PIR: variants seen among roughly 807,000 people sequenced by gnomAD.
PIR encodes the protein pirin.
In PIR, 22 loss-of-function variants were observed where a neutral mutation model predicts 24.2. That is an observed-to-expected ratio of 0.91 (90% confidence interval 0.65 to 1.30). The LOEUF is 1.30. PIR is among the 50% of genes most tolerant of loss of function. PIR has a pLI of 0.00. For synonymous variants in PIR, 80 were observed against 79.6 expected, an observed-to-expected ratio of 1.00 and a Z score of -0.03; for missense variants, 220 against 220.3, an observed-to-expected ratio of 1.00 and a Z score of 0.01.
intron 9 of PIR, among the ~76,000 whole-genome samples, chrX:15,387,933 C>T (rs139478170): frequency 0.014 from 1,579 of 111,370 alleles, 24 homozygotes; most frequent in African/African-American, 0.05. Context: ...CCAAGTGATG[C>T]TGATACTGCT....
intron 3 of PIR, among the ~76,000 whole-genome samples, chrX:15,473,710 C>T (rs1427630726): frequency 1.8e-5 from 2 of 111,147 alleles, no homozygotes; most frequent in African/African-American, 3.3e-5. Flanking sequence ...GCGCCTGCCA[C>T]CACACCCAGC....
chrX:15,395,613 T>C (rs1924106246), intron 8 of PIR, among the ~76,000 whole-genome samples: 1 of 112,031 alleles, frequency 8.9e-6, no homozygotes, highest in Non-Finnish European at 1.9e-5. Flanking sequence ...TTATTTTAAT[T>C]TTGCAGACAA....
chrX:15,453,738 A>G (rs1271225326), intron 5 of PIR, among the ~76,000 whole-genome samples: 1 of 112,104 alleles, frequency 8.9e-6, no homozygotes, highest in East Asian at 2.8e-4. Flanking sequence ...TGATTACAAG[A>G]CCACATGGTC....
intron 5 of PIR, among the ~76,000 whole-genome samples, chrX:15,449,449 C>T (rs1324370700): frequency 1.8e-5 from 2 of 111,764 alleles, no homozygotes; most frequent in Non-Finnish European, 3.8e-5. Flanking sequence ...CTTTTTAAAG[C>T]ACTTCTCATA....
intron 6 of PIR, among the ~76,000 whole-genome samples, chrX:15,414,195 GC>G (rs1394792787): frequency 8.9e-6 from 1 of 111,852 alleles, no homozygotes; most frequent in African/African-American, 3.2e-5. Context: ...TTATTAGAAT[GC>G]CCTAGAAGCT....
intron 2 of PIR, among the ~76,000 whole-genome samples, chrX:15,483,230 T>C (rs1281494514): frequency 1.9e-5 from 2 of 107,523 alleles, no homozygotes; most frequent in Non-Finnish European, 3.8e-5. Context: ...ATTTCTTCAT[T>C]TGAAAATGTG....
At chrX:15,389,742 T>C (rs1368464510) in intron 9 of PIR, among the ~76,000 whole-genome samples, 1 of 111,239 alleles carries the variant, frequency 9.0e-6, no homozygotes, top group East Asian at 2.8e-4. Flanking sequence ...AAATAACAAC[T>C]ATTTTCTTAA....
chrX:15,485,813 G>GGAATTCA (rs1429083507), intron 2 of PIR, among the ~76,000 whole-genome samples: 1 of 112,160 alleles, frequency 8.9e-6, no homozygotes, highest in African/African-American at 3.2e-5. Context: ...ACATTTAGCA[G>GGAATTCA]GAATTCAATA....
chrX:15,390,200 G>T lies in PIR; in HGVS notation c.745C>A (p.Pro249Thr). The part of the protein sequence containing the change: ...VLIAGEPLRE[P>T]VIQHGPFVMN... ...TTGGTCTTACCATGTTGGATAACTG[G>T]TTCTCTTAATGGCTCCCCAGCAATT... The change falls in exon 9 of 10, where the codon CCA (proline) becomes ACA (threonine). Residue 249 changes from proline (P) to threonine (T), a missense_variant. By Grantham distance (38) the Pro-to-Thr change is conservative. Transcript: ENST00000380420. The T allele has an allele frequency of 8.8e-7, 1 of 1,137,755 alleles. No individual in the cohort carries two copies. Among genetic ancestry groups the T allele is most frequent in the Non-Finnish European group, 1.2e-6 (1 of 842,120 alleles). 93.8% of individuals were successfully genotyped at this position (1,137,755 alleles called of 1,213,427 possible). A position where few individuals can be genotyped will look rare whatever the true frequency, so the allele number is the denominator to read the frequency against.
intron 3 of PIR, among the ~76,000 whole-genome samples, chrX:15,461,281 A>G (rs1174058787): frequency 8.9e-6 from 1 of 111,960 alleles, no homozygotes; most frequent in African/African-American, 3.3e-5. Flanking sequence ...AGGAAATCCA[A>G]AGGAAACATA....
intron 7 of PIR, among the ~76,000 whole-genome samples, chrX:15,398,669 G>GGGGTGT (rs1555952786): frequency 3.9e-5 from 3 of 76,117 alleles, no homozygotes; most frequent in East Asian, 4.5e-4. Flanking sequence ...GAGGAGGGAG[G>GGGGTGT]GTGTGTGTGT....
At chrX:15,432,182 A>G (rs183833464) in intron 5 of PIR, among the ~76,000 whole-genome samples, 286 of 111,556 alleles carry the variant, frequency 2.6e-3, no homozygotes, top group African/African-American at 7.9e-3. Flanking sequence ...TCATTAACCT[A>G]TTTAACTTTT....
At position 15,384,940 on chromosome X, in the gene PIR, A is replaced by G. The variant is rs1053490170; in HGVS notation, c.*64T>C. 1.8e-6 allele frequency: 1 copy of G among 564,608 alleles called. No individual in the cohort carries two copies. The highest frequency in any genetic ancestry group is 3.0e-6 in the Non-Finnish European group (1 of 327,968). 46.5% of individuals were successfully genotyped at this position (564,608 alleles called of 1,213,427 possible). On this transcript the variant is annotated 3_prime_UTR_variant, in exon 10 of 10. Coordinates refer to ENST00000380420, the MANE Select transcript of PIR (RefSeq NM_001018109.3). ...TAAGCTTTAGAAATGGAATGCCTTC[A>G]ATGGCTCAATCTCAGAAATGGCAAA... is the stretch of plus-strand genomic sequence containing the variant.
chrX:15,490,258 G>C (rs1017608763), intron 2 of PIR, among the ~76,000 whole-genome samples: 1 of 111,169 alleles, frequency 9.0e-6, no homozygotes, highest in African/African-American at 3.3e-5. Flanking sequence ...CATTGAGGAA[G>C]GCCAGGAGTT....
At chrX:15,397,682 A>T in intron 7 of PIR, 151 bp from the exon 8 acceptor site, 1 of 419,699 alleles carries the variant, frequency 2.4e-6, no homozygotes, top group East Asian at 4.0e-5. Context: ...GGTTAATTAT[A>T]TTTGCTATTA....
intron 2 of PIR, among the ~76,000 whole-genome samples, chrX:15,486,724 C>A (rs899376334): frequency 1.8e-5 from 2 of 111,945 alleles, no homozygotes; most frequent in African/African-American, 6.5e-5. Context: ...ATTTCCCTAA[C>A]AGCTGTCTTG....
chrX:15,459,369 AT>A (rs202130316), intron 4 of PIR, among the ~76,000 whole-genome samples: 1,887 of 111,947 alleles, frequency 0.017, 40 homozygotes, highest in African/African-American at 0.057. Flanking sequence ...TACAAAACGA[AT>A]GAAAGATAAG....
At chrX:15,400,459 C>T (rs374014495) in intron 7 of PIR, among the ~76,000 whole-genome samples, 1 of 111,673 alleles carries the variant, frequency 9.0e-6, no homozygotes, top group East Asian at 2.8e-4. Context: ...AGTTTATAAA[C>T]CCCTTCGCTA....
chrX:15,459,104 A>C (rs1921196064), intron 4 of PIR, among the ~76,000 whole-genome samples: 1 of 112,438 alleles, frequency 8.9e-6, no homozygotes, highest in Non-Finnish European at 1.9e-5. Context: ...GGGGATTTTA[A>C]TTGTAACATA....
Sources: gnomAD v4.1 joint callset for allele counts (sites outside exome capture counted in the v4.1 genomes callset) on GRCh38, gnomAD v4.1.1 for gene constraint, MANE v1.5 for transcripts, NCBI Gene and HGNC (gene_info 2026-07-23, HGNC 2026-07-21) for gene names.